Variants in ETV1 observed in about 807,000 individuals in gnomAD.
ETV1 encodes the protein ETS translocation variant 1.
In ETV1, 27 loss-of-function variants were observed where a neutral mutation model predicts 62.3. The observed-to-expected ratio is 0.43, with a 90% CI of 0.32 to 0.60. The LOEUF (loss-of-function observed/expected upper bound fraction) is 0.60. Ranked by LOEUF, ETV1 falls within the 20% of genes least tolerant of loss-of-function variation. The pLI is 0.06. For synonymous variants in ETV1, 222 were observed against 199.6 expected (o/e 1.11, Z -0.94); for missense variants, 605 against 605.8 (o/e 1.00, Z 0.01).
chr7:13,935,648 T>G, intron 8 of ETV1, 60 bp downstream of exon 8: 1 of 1,445,080 alleles, frequency 6.9e-7, no homozygotes, highest in South Asian at 1.2e-5. Flanking sequence ...GAATTGTTAA[T>G]AGAAATTTTT....
intron 12 of ETV1, among the ~76,000 whole-genome samples, chr7:13,903,403 C>T (rs959478449): frequency 1.3e-5 from 2 of 152,094 alleles, no homozygotes. Context: ...ACTCTTCCAG[C>T]TCAACAAGCT....
chr7:13,913,433 T>A (rs1783767081), intron 9 of ETV1, among the ~76,000 whole-genome samples: 2 of 152,182 alleles, frequency 1.3e-5, no homozygotes, highest in Admixed American at 1.3e-4. Flanking sequence ...TTAACATCTC[T>A]AACTCCCAAC....
At chr7:13,896,286 G>A (rs1229092545) in intron 13 of ETV1, among the ~76,000 whole-genome samples, 199 bp from the exon 14 acceptor site, 1 of 152,012 alleles carries the variant, frequency 6.6e-6, no homozygotes, top group African/African-American at 2.4e-5. Flanking sequence ...TTCAGTCAAG[G>A]GAGATGCAAA....
chr7:13,939,342 A>T, intron 6 of ETV1, 96 bp from the exon 7 acceptor site: 1 of 1,017,872 alleles, frequency 9.8e-7, no homozygotes. Context: ...GGTCATTCAC[A>T]TTTCATATTA....
rs1781446322 is a variant in ETV1 at position 13,892,472 on chromosome 7, C to T, written c.*3394G>A. On this transcript the variant is annotated 3_prime_UTR_variant, in exon 14 of 14. Coordinates refer to ENST00000430479, the MANE Select transcript of ETV1 (RefSeq NM_004956.5). ...TCAAATCCTAGATCCCTCAGCAGAA[C>T]TCCACTGTTCCTGAGTAAATCAATT... is the stretch of plus-strand genomic sequence containing the variant. 4.3e-6 allele frequency: 1 copy of T among 232,968 alleles called. No individual in the cohort carries two copies. The highest frequency in any genetic ancestry group is 1.8e-4 in the South Asian group (1 of 5,528). 14.4% of individuals were successfully genotyped at this position (232,968 alleles called of 1,614,324 possible).
chr7:13,944,891 G>T (rs1787972189), intron 6 of ETV1, among the ~76,000 whole-genome samples: 1 of 152,160 alleles, frequency 6.6e-6, no homozygotes, highest in African/African-American at 2.4e-5. Context: ...CACACAGGGA[G>T]ACTGCTACGT....
chr7:13,902,527 C>T (rs1429455694), intron 12 of ETV1, among the ~76,000 whole-genome samples: 1 of 143,884 alleles, frequency 7.0e-6, no homozygotes, highest in Non-Finnish European at 1.5e-5. Context: ...GGGGTGGGGG[C>T]GCTGGGGGGA....
chr7:13,928,481 G>A (rs1785696324), intron 9 of ETV1, among the ~76,000 whole-genome samples: 1 of 152,094 alleles, frequency 6.6e-6, no homozygotes, highest in Non-Finnish European at 1.5e-5. Flanking sequence ...GGGCATGGTG[G>A]CGCATGCCTG....
chr7:13,939,705 T>C (rs566499221), intron 6 of ETV1, among the ~76,000 whole-genome samples: 3 of 152,180 alleles, frequency 2.0e-5, no homozygotes, highest in Admixed American at 1.3e-4. Context: ...AAATGACAAC[T>C]AGACTGGGGC....
At chr7:13,989,192 T>G (rs1175288317) in intron 2 of ETV1, 53 bp from the exon 3 acceptor site, 4 of 693,976 alleles carry the variant, frequency 5.8e-6, no homozygotes, top group Non-Finnish European at 9.6e-6. Context: ...TGAATGAAGC[T>G]CTTGAATTTG....
intron 9 of ETV1, among the ~76,000 whole-genome samples, chr7:13,919,857 T>C (rs1480645771): frequency 3.3e-5 from 5 of 150,878 alleles, no homozygotes; most frequent in South Asian, 2.1e-4. Flanking sequence ...TTCATATTCA[T>C]GAAACAGACA....
chr7:13,986,266 GA>G (rs919880095), intron 5 of ETV1: 30 of 1,518,176 alleles, frequency 2.0e-5, no homozygotes, highest in Non-Finnish European at 2.6e-5. Context: ...TGCTCTAAAG[GA>G]AACAGCAAGC....
intron 6 of ETV1, among the ~76,000 whole-genome samples, chr7:13,975,247 T>A (rs1388283364): frequency 6.6e-6 from 1 of 152,132 alleles, no homozygotes; most frequent in Non-Finnish European, 1.5e-5. Flanking sequence ...GGGACAGTGC[T>A]GGCATGGTGC....
chr7:13,960,290 A>G (rs1790012605), intron 6 of ETV1, among the ~76,000 whole-genome samples: 1 of 152,308 alleles, frequency 6.6e-6, no homozygotes, highest in East Asian at 1.9e-4. Context: ...CAACATTGCT[A>G]TTCTGAATCT....
intron 6 of ETV1, among the ~76,000 whole-genome samples, chr7:13,973,934 TAAG>T (rs1222288108): frequency 6.6e-6 from 1 of 152,204 alleles, no homozygotes; most frequent in Non-Finnish European, 1.5e-5. Flanking sequence ...AAATAAGCAC[TAAG>T]AAGGTGATCA....
rs1232478100 is a variant in ETV1 at position 13,894,844 on chromosome 7, G to A, written c.*1022C>T. 2.6e-5 allele frequency: 6 copies of A among 232,710 alleles called. No homozygotes were observed. The highest frequency in any genetic ancestry group is 3.6e-4 in the South Asian group (2 of 5,520). 14.4% of individuals were successfully genotyped at this position (232,710 alleles called of 1,614,324 possible). A position where few individuals can be genotyped will look rare whatever the true frequency, so the allele number is the denominator to read the frequency against. ...TTAAATGCATATCAATGGGTACCAT[G>A]TCTAAAAATTACTATAGTACCTATT... On this transcript the variant is annotated 3_prime_UTR_variant, in exon 14 of 14. Transcript: ENST00000430479.
At chr7:13,978,202 T>C (rs190633349) in intron 5 of ETV1, among the ~76,000 whole-genome samples, 1 of 152,192 alleles carries the variant, frequency 6.6e-6, no homozygotes, top group African/African-American at 2.4e-5. Flanking sequence ...TCAGTCCTCA[T>C]GTCAAAAGAC....
In ETV1 at chr7:13,895,156, T is replaced by A. The variant is rs1046750603; in HGVS notation, c.*710A>T. On this transcript the variant is annotated 3_prime_UTR_variant, in exon 14 of 14. Coordinates refer to ENST00000430479, the MANE Select transcript of ETV1 (RefSeq NM_004956.5). Reference sequence around the variant, plus strand: ...AGGTGGCACCAGATACACGTAATGCTACTGGCCTATGACTCAGTTTGGCGC... The same window carrying A: ...AGGTGGCACCAGATACACGTAATGCAACTGGCCTATGACTCAGTTTGGCGC... 2.6e-5 allele frequency: 6 copies of A among 233,432 alleles called. No homozygotes were observed. The highest frequency in any genetic ancestry group is 1.1e-4 in the Admixed American group (2 of 17,784). 14.5% of individuals were successfully genotyped at this position (233,432 alleles called of 1,614,324 possible). A position where few individuals can be genotyped will look rare whatever the true frequency, so the allele number is the denominator to read the frequency against.
chr7:13,950,233 T>C (rs1020820734), intron 6 of ETV1, among the ~76,000 whole-genome samples: 2 of 152,148 alleles, frequency 1.3e-5, no homozygotes, highest in Non-Finnish European at 2.9e-5. Context: ...CAGTCATCAA[T>C]ATGCCCCCAC....
Sources: gnomAD v4.1 joint callset for allele counts (sites outside exome capture counted in the v4.1 genomes callset) on GRCh38, gnomAD v4.1.1 for gene constraint, MANE v1.5 for transcripts, NCBI Gene and HGNC (gene_info 2026-07-23, HGNC 2026-07-21) for gene names.